CTNNA3: variants seen among roughly 807,000 people sequenced by gnomAD.
CTNNA3 encodes the protein catenin alpha 3.
In CTNNA3, 76 loss-of-function variants were observed where a neutral mutation model predicts 95.7. The observed-to-expected ratio is 0.79, with a 90% CI of 0.66 to 0.96. The LOEUF (loss-of-function observed/expected upper bound fraction) is 0.96, where lower values mean the gene tolerates loss of function less well. CTNNA3 is among the 40% of genes least tolerant of loss of function. The pLI is 0.00. For synonymous variants in CTNNA3, 431 were observed against 374.4 expected, an observed-to-expected ratio of 1.15 and a Z score of -1.74; for missense variants, 1,191 against 1,089.8, an observed-to-expected ratio of 1.09 and a Z score of -1.31.
chr10:66,344,713 A>T (rs36012367), intron 12 of CTNNA3, among the ~76,000 whole-genome samples: 15,596 of 152,106 alleles, frequency 0.1, 949 homozygotes, highest in South Asian at 0.17. Context: ...CTCTTTATGA[A>T]AGTTTATGAT....
intron 5 of CTNNA3, among the ~76,000 whole-genome samples, chr10:67,376,779 CTTAAGGG>C (rs1231070867): frequency 2.0e-5 from 3 of 152,180 alleles, no homozygotes; most frequent in Non-Finnish European, 2.9e-5. Flanking sequence ...TGGAAACCCT[CTTAAGGG>C]AACTCTTGGA....
intron 7 of CTNNA3, among the ~76,000 whole-genome samples, chr10:67,046,452 T>C (rs1195475579): frequency 6.6e-6 from 1 of 152,120 alleles, no homozygotes; most frequent in Non-Finnish European, 1.5e-5. Context: ...CTGACCTCAA[T>C]TAACTGCAAG....
intron 15 of CTNNA3, among the ~76,000 whole-genome samples, chr10:66,020,842 T>G (rs1589257428): frequency 6.6e-6 from 1 of 152,032 alleles, no homozygotes; most frequent in Middle Eastern, 3.4e-3. Flanking sequence ...CAGCTAATTT[T>G]TTTTGTATTT....
intron 13 of CTNNA3, among the ~76,000 whole-genome samples, chr10:66,221,198 A>C (rs752902124): frequency 1.3e-5 from 2 of 152,210 alleles, no homozygotes; most frequent in Non-Finnish European, 2.9e-5. Context: ...TTAAATAATT[A>C]CACCAGCTCA....
intron 15 of CTNNA3, among the ~76,000 whole-genome samples, chr10:66,017,018 A>G (rs1394463087): frequency 6.6e-6 from 1 of 152,168 alleles, no homozygotes; most frequent in East Asian, 1.9e-4. Context: ...CAATCTAACA[A>G]TATGGAACTT....
intron 11 of CTNNA3, among the ~76,000 whole-genome samples, chr10:66,468,759 C>T (rs1004922905): frequency 2.6e-5 from 4 of 151,564 alleles, no homozygotes; most frequent in Admixed American, 2.6e-4. Context: ...GCCAATTATA[C>T]CTTAATAAAG....
intron 6 of CTNNA3, among the ~76,000 whole-genome samples, 188 bp from the exon 7 acceptor site, chr10:67,180,708 G>A (rs1409146344): frequency 1.3e-5 from 2 of 152,136 alleles, no homozygotes; most frequent in Non-Finnish European, 2.9e-5. Context: ...TGAAAGTGAT[G>A]CAATTATGAG....
chr10:67,511,980 C>T (rs1037292037), intron 5 of CTNNA3, among the ~76,000 whole-genome samples: 7 of 152,168 alleles, frequency 4.6e-5, no homozygotes, highest in South Asian at 4.2e-4. Flanking sequence ...AGTTTATTTG[C>T]GTAGAGGTGT....
chr10:65,992,847 CTT>C (rs2078572658), intron 15 of CTNNA3, among the ~76,000 whole-genome samples: 1 of 151,960 alleles, frequency 6.6e-6, no homozygotes, highest in Admixed American at 6.6e-5. Context: ...TATTTGAAAA[CTT>C]TCTAGTTTTT....
At chr10:67,136,042 T>C (rs1860291741) in intron 7 of CTNNA3, among the ~76,000 whole-genome samples, 2 of 152,166 alleles carry the variant, frequency 1.3e-5, no homozygotes, top group Non-Finnish European at 2.9e-5. Context: ...TAACTTTTCC[T>C]TTATTTTTTA....
intron 7 of CTNNA3, among the ~76,000 whole-genome samples, chr10:66,855,998 T>A (rs111332266): frequency 1.5e-3 from 235 of 152,122 alleles, no homozygotes; most frequent in African/African-American, 5.4e-3. Flanking sequence ...ATTGCATGCT[T>A]CAGGGGTTTG....
chr10:67,394,865 G>A (rs2132784635), intron 5 of CTNNA3, among the ~76,000 whole-genome samples: 1 of 151,984 alleles, frequency 6.6e-6, no homozygotes, highest in South Asian at 2.1e-4. Context: ...CTGACAAATT[G>A]AAAAGCTATC....
At chr10:66,532,611 G>T (rs1486693212) in intron 10 of CTNNA3, among the ~76,000 whole-genome samples, 2 of 152,226 alleles carry the variant, frequency 1.3e-5, no homozygotes, top group East Asian at 3.9e-4. Context: ...ATTGTCAAAT[G>T]ATTTTTGCTC....
intron 15 of CTNNA3, among the ~76,000 whole-genome samples, chr10:66,046,683 G>T (rs1248768738): frequency 6.6e-6 from 1 of 151,770 alleles, no homozygotes; most frequent in African/African-American, 2.4e-5. Context: ...ACAGGAATTG[G>T]TTTTTTGAAA....
chr10:67,579,004 T>TATATATATAC (rs1842271807), intron 3 of CTNNA3, among the ~76,000 whole-genome samples: 1 of 64,252 alleles, frequency 1.6e-5, no homozygotes, highest in Admixed American at 1.6e-4. Context: ...GTGATATATA[T>TATATATATAC]ATATATATAT....
chr10:67,467,850 A>G (rs935774639), intron 5 of CTNNA3, among the ~76,000 whole-genome samples: 3 of 151,802 alleles, frequency 2.0e-5, no homozygotes, highest in Admixed American at 2.0e-4. Flanking sequence ...ATCTGAGACT[A>G]CAGGTGTGCC....
chr10:66,792,337 A>G (rs1841004099), intron 7 of CTNNA3, among the ~76,000 whole-genome samples: 1 of 152,150 alleles, frequency 6.6e-6, no homozygotes, highest in African/African-American at 2.4e-5. Context: ...ATTCAGATAA[A>G]GCATATTTTT....
At chr10:67,637,943 T>A (rs1436513240) in intron 2 of CTNNA3, among the ~76,000 whole-genome samples, 3 of 152,124 alleles carry the variant, frequency 2.0e-5, no homozygotes, top group Admixed American at 6.5e-5. Flanking sequence ...GGCTAGGAAG[T>A]AACTGCATCA....
At chr10:66,409,850 A>T (rs1369655968) in intron 11 of CTNNA3, among the ~76,000 whole-genome samples, 3 of 152,186 alleles carry the variant, frequency 2.0e-5, no homozygotes, top group Non-Finnish European at 4.4e-5. Flanking sequence ...ACCTTCACTT[A>T]TTCCTTATTT....
Sources: gnomAD v4.1 joint callset for allele counts (sites outside exome capture counted in the v4.1 genomes callset) on GRCh38, gnomAD v4.1.1 for gene constraint, MANE v1.5 for transcripts, NCBI Gene and HGNC (gene_info 2026-07-23, HGNC 2026-07-21) for gene names.